LNPK: variants seen among roughly 807,000 people sequenced by gnomAD.
LNPK encodes endoplasmic reticulum junction formation protein lunapark.
In LNPK, 29 loss-of-function variants were observed where a neutral mutation model predicts 55.2. The ratio of observed to expected loss-of-function variants is 0.53; its 90% CI spans 0.39 to 0.72. LNPK has a LOEUF of 0.72. Among genes scored for constraint, LNPK ranks in the 30% least tolerant of loss-of-function variants. The pLI is 0.00. For missense variants in LNPK, 467 were observed against 494.8 expected, an observed-to-expected ratio of 0.94 and a Z score of 0.53; for synonymous variants, 162 against 168.2, an observed-to-expected ratio of 0.96 and a Z score of 0.29.
intron 4 of LNPK, among the ~76,000 whole-genome samples, chr2:175,987,129 A>G (rs1687457998): frequency 2.6e-5 from 4 of 152,180 alleles, no homozygotes; most frequent in Admixed American, 2.0e-4. Flanking sequence ...ATTAGTATAG[A>G]AAATCACTAG....
At chr2:175,979,622 T>C (rs1687077906) in intron 5 of LNPK, among the ~76,000 whole-genome samples, 188 bp downstream of exon 5, 1 of 150,840 alleles carries the variant, frequency 6.6e-6, no homozygotes, top group South Asian at 2.1e-4. Context: ...ATGAACAAGA[T>C]GGAAATAACA....
intron 8 of LNPK, among the ~76,000 whole-genome samples, chr2:175,953,861 T>A (rs1268811552): frequency 2.6e-5 from 4 of 151,784 alleles, no homozygotes; most frequent in Non-Finnish European, 5.9e-5. Context: ...GTGTATAAGA[T>A]AAAGTCCTGA....
intron 8 of LNPK, among the ~76,000 whole-genome samples, chr2:175,963,781 C>A (rs889899802): frequency 6.6e-6 from 1 of 151,162 alleles, no homozygotes; most frequent in Non-Finnish European, 1.5e-5. Context: ...TTTTCCCATG[C>A]CAGTCTGGGG....
At chr2:175,934,622 T>C (rs1684449297) in intron 12 of LNPK, among the ~76,000 whole-genome samples, 1 of 152,064 alleles carries the variant, frequency 6.6e-6, no homozygotes, top group African/African-American at 2.4e-5. Context: ...CTAATGATTA[T>C]CACATACCAT....
chr2:176,001,746 G>A (rs984073159), intron 1 of LNPK, among the ~76,000 whole-genome samples: 1 of 152,198 alleles, frequency 6.6e-6, no homozygotes, highest in African/African-American at 2.4e-5. Flanking sequence ...GCGGACAGCT[G>A]AGCGTAGGAA....
chr2:175,966,601 G>A (rs1686367012), intron 6 of LNPK, among the ~76,000 whole-genome samples: 2 of 152,072 alleles, frequency 1.3e-5, no homozygotes, highest in African/African-American at 2.4e-5. Flanking sequence ...CAGTTTTTAA[G>A]TACTAAAAGA....
chr2:175,983,579 T>C (rs1414636929), intron 4 of LNPK, among the ~76,000 whole-genome samples: 1 of 152,134 alleles, frequency 6.6e-6, no homozygotes, highest in Non-Finnish European at 1.5e-5. Flanking sequence ...CTAAACTCAC[T>C]AAGGTAAAAG....
In LNPK at chr2:175,929,601, A is replaced by C. The variant is rs1684164884; in HGVS notation, c.*366T>G. On this transcript the variant is annotated 3_prime_UTR_variant, in exon 13 of 13. Transcript: ENST00000272748. ...TTCATTCCTTAAAACAAACACAATT[A>C]GAGAACTTACTCTTAACCAAAGTTC... 2 of 1,014,910 alleles carry C rather than the reference A, an allele frequency of 2.0e-6. No homozygotes were observed. The highest frequency in any genetic ancestry group is 2.4e-6 in the Non-Finnish European group (2 of 848,636). 62.9% of individuals were successfully genotyped at this position (1,014,910 alleles called of 1,614,324 possible).
At chr2:175,936,584 T>C (rs189594450) in intron 12 of LNPK, among the ~76,000 whole-genome samples, 2 of 152,284 alleles carry the variant, frequency 1.3e-5, no homozygotes, top group East Asian at 3.9e-4. Flanking sequence ...GCAATCTTCA[T>C]AATTCAGAGC....
At chr2:175,957,106 C>G (rs916135171) in intron 8 of LNPK, among the ~76,000 whole-genome samples, 1 of 152,002 alleles carries the variant, frequency 6.6e-6, no homozygotes, top group African/African-American at 2.4e-5. Context: ...ACCTATAATC[C>G]CAAAACTTTG....
chr2:175,983,308 G>C (rs1235011517), intron 4 of LNPK, among the ~76,000 whole-genome samples: 2 of 152,084 alleles, frequency 1.3e-5, no homozygotes, highest in Admixed American at 6.6e-5. Context: ...TTTGTATTGT[G>C]AAAGAAATAC....
intron 11 of LNPK, 171 bp from the exon 12 acceptor site, chr2:175,937,685 T>C (rs1013516557): frequency 2.1e-6 from 1 of 471,514 alleles, no homozygotes; most frequent in South Asian, 4.3e-5. Flanking sequence ...AACTAAAGCA[T>C]ACTTCCTAAT....
rs1322292812 is a variant in LNPK at position 175,929,329 on chromosome 2, G to GA, written c.*637dup. ...GTTGTAAAATAAAAGACATCAAAAA[G>GA]AAACACTGCAGTTGACTGTTTCATT... On this transcript the variant is annotated 3_prime_UTR_variant, in exon 13 of 13. Coordinates refer to ENST00000272748, the MANE Select transcript of LNPK (RefSeq NM_030650.3). The GA allele has an allele frequency of 1.0e-6, 1 of 985,378 alleles. No homozygotes were observed. Among genetic ancestry groups the GA allele is most frequent in the Non-Finnish European group, 1.2e-6 (1 of 829,698 alleles). The allele number at this position is 985,378 out of a possible 1,614,324, so 61.0% of individuals were successfully genotyped here.
intron 1 of LNPK, among the ~76,000 whole-genome samples, chr2:175,997,432 G>A (rs777845532): frequency 6.6e-6 from 1 of 152,154 alleles, no homozygotes; most frequent in Non-Finnish European, 1.5e-5. Flanking sequence ...AAAGGTGGGT[G>A]AAGGGGGTAG....
At chr2:175,999,582 C>A (rs1036643459) in intron 1 of LNPK, among the ~76,000 whole-genome samples, 1 of 152,154 alleles carries the variant, frequency 6.6e-6, no homozygotes, top group Non-Finnish European at 1.5e-5. Flanking sequence ...AACCGAATAA[C>A]CTTTGCATTT....
chr2:175,955,717 A>G (rs1000975004), intron 8 of LNPK, among the ~76,000 whole-genome samples: 2 of 152,210 alleles, frequency 1.3e-5, no homozygotes, highest in Non-Finnish European at 2.9e-5. Context: ...AGATCAAAAA[A>G]AGATCTATAA....
intron 4 of LNPK, among the ~76,000 whole-genome samples, chr2:175,991,015 C>A (rs1687676403): frequency 6.6e-6 from 1 of 151,978 alleles, no homozygotes; most frequent in African/African-American, 2.4e-5. Context: ...TTTATTTGCC[C>A]CCCAAAAAAC....
intron 1 of LNPK, among the ~76,000 whole-genome samples, chr2:175,996,204 G>T (rs1168384488): frequency 3.3e-5 from 5 of 152,162 alleles, no homozygotes; most frequent in Admixed American, 6.5e-5. Context: ...ATGCAGTTTA[G>T]AAATGTATAT....
At chr2:175,965,148 A>G (rs1353298732) in intron 6 of LNPK, among the ~76,000 whole-genome samples, 2 of 152,160 alleles carry the variant, frequency 1.3e-5, no homozygotes, top group Non-Finnish European at 2.9e-5. Context: ...TTAAAAGATA[A>G]CCCTCACCTC....
Sources: allele counts gnomAD v4.1 joint callset (sites outside exome capture counted in the v4.1 genomes callset), GRCh38; gene constraint gnomAD v4.1.1; transcripts MANE v1.5; gene names NCBI Gene and HGNC (gene_info 2026-07-23, HGNC 2026-07-21).